RCBTB2: variants seen among roughly 807,000 people sequenced by gnomAD.
The protein encoded by RCBTB2 is RCC1 and BTB domain containing protein 2.
In RCBTB2, 55 loss-of-function variants were observed where a neutral mutation model predicts 65.4. The observed-to-expected ratio is 0.84, with a 90% CI of 0.68 to 1.05. The LOEUF (loss-of-function observed/expected upper bound fraction) is 1.05, where lower values mean the gene tolerates loss of function less well. RCBTB2 is among the 50% of genes least tolerant of loss of function. The pLI is 0.00. For synonymous variants in RCBTB2, 220 were observed against 255.2 expected, an observed-to-expected ratio of 0.86 and a Z score of 1.31; for missense variants, 599 against 680.1, an observed-to-expected ratio of 0.88 and a Z score of 1.33.
At position 48,505,185 on chromosome 13, in the gene RCBTB2, T is replaced by C. The variant is rs769205026; in HGVS notation, c.927-2271A>G. ...GAATGTCACTTAGCACCTAGGAGCC[T>C]TGGTTTCATCACATTGCAAGGGTGG... On this transcript the variant is annotated intron_variant, in intron 10 of 14. Transcript: ENST00000344532. Among the ~76,000 whole-genome samples the C allele has an allele frequency of 6.7e-4, 102 of 152,176 alleles. 2 individuals carry two copies. Among genetic ancestry groups the C allele is most frequent in the Non-Finnish European group, 1.3e-3 (87 of 68,012 alleles).
intron 1 of RCBTB2, among the ~76,000 whole-genome samples, chr13:48,530,726 T>C (rs1036785107): frequency 1.3e-5 from 2 of 152,256 alleles, no homozygotes; most frequent in Admixed American, 6.5e-5. Flanking sequence ...TTTACATAGA[T>C]GTCTGGCTAG....
In RCBTB2 at chr13:48,524,649, A is replaced by G. The variant is rs1450963524; in HGVS notation, c.-120+10T>C. Reference sequence around the variant, plus strand: ...CTGGCTGGGAGCATTCCCTCCAAAAACTTTTGTACCTGATTGTTTTAAATT... The same window carrying G: ...CTGGCTGGGAGCATTCCCTCCAAAAGCTTTTGTACCTGATTGTTTTAAATT... On this transcript the variant is annotated intron_variant, in intron 2 of 14. Coordinates refer to ENST00000344532, the MANE Select transcript of RCBTB2 (RefSeq NM_001268.4). 1 of 152,128 alleles carries G rather than the reference A, an allele frequency of 6.6e-6. No homozygotes were observed. The highest frequency in any genetic ancestry group is 1.9e-4 in the East Asian group (1 of 5,198). The allele number at this position is 152,128 out of a possible 1,614,324, so 9.4% of individuals were successfully genotyped here.
At chr13:48,513,979 A>C (rs1950946302) in intron 6 of RCBTB2, among the ~76,000 whole-genome samples, 1 of 152,248 alleles carries the variant, frequency 6.6e-6, no homozygotes, top group Admixed American at 6.5e-5. Context: ...GAGATTAACA[A>C]CAATAACTAA....
Position 48,515,244 on chromosome 13 carries a change from T to C in RCBTB2, c.310A>G (p.Ser104Gly), listed in dbSNP as rs1453821646. Residue 104 changes from serine to glycine, a missense_variant, in exon 6 of 15, where the codon AGC becomes GGC. Coordinates refer to ENST00000344532, the MANE Select transcript of RCBTB2 (RefSeq NM_001268.4). ...ACAATATGTGGACCACTCCCATAGC[T>C]GAGGCAGGCTATTTTTTTGCCATTT... ...SLNGKKIACL[S>G]YGSGPHIVLA... 1 of 1,614,166 alleles carries C rather than the reference T, an allele frequency of 6.2e-7. No homozygotes were observed. The highest frequency in any genetic ancestry group is 1.7e-5 in the Admixed American group (1 of 60,020).
chr13:48,493,329 T>TCCACACACACACACACACACACACACA (rs1566254927), intron 14 of RCBTB2, among the ~76,000 whole-genome samples: 1 of 137,620 alleles, frequency 7.3e-6, no homozygotes, highest in Admixed American at 7.1e-5. Flanking sequence ...TCTCTCTCTC[T>TCCACACACACACACACACACACACACA]CTCTCTCTCT....
At chr13:48,504,935 T>C (rs1350566430) in intron 10 of RCBTB2, among the ~76,000 whole-genome samples, 1 of 152,106 alleles carries the variant, frequency 6.6e-6, no homozygotes, top group East Asian at 1.9e-4. Flanking sequence ...ATTATGAGGA[T>C]CGTTCTTAGC....
At chr13:48,534,469 A>G (rs1477893028), upstream of RCBTB2, among the ~76,000 whole-genome samples, 1 of 152,350 alleles carries the variant, frequency 6.6e-6, no homozygotes, top group East Asian at 1.9e-4. Flanking sequence ...ATCAGCAACC[A>G]TGGCAAGATC....
chr13:48,518,472 A>AAAAAAAATATATAT (rs1491137365), intron 4 of RCBTB2, among the ~76,000 whole-genome samples: 11 of 116,582 alleles, frequency 9.4e-5, no homozygotes, highest in African/African-American at 4.1e-4. Context: ...AAAAAAAAAA[A>AAAAAAAATATATAT]ATATATATAT....
chr13:48,522,790 T>C (rs1010039832), intron 2 of RCBTB2, among the ~76,000 whole-genome samples: 30 of 152,228 alleles, frequency 2.0e-4, no homozygotes, highest in African/African-American at 7.2e-4. Context: ...CAATCTATTA[T>C]TTCAGGTACT....
intron 9 of RCBTB2, among the ~76,000 whole-genome samples, chr13:48,511,258 T>C (rs1950778527): frequency 6.6e-6 from 1 of 152,212 alleles, no homozygotes; most frequent in Non-Finnish European, 1.5e-5. Context: ...CATTTTACCA[T>C]TACACATAGC....
At chr13:48,527,949 G>C (rs552470971) in intron 1 of RCBTB2, among the ~76,000 whole-genome samples, 1 of 152,290 alleles carries the variant, frequency 6.6e-6, no homozygotes, top group South Asian at 2.1e-4. Flanking sequence ...CATATTATTT[G>C]TGGCAAAGTA....
At chr13:48,503,421 T>A (rs1381999883) in intron 10 of RCBTB2, among the ~76,000 whole-genome samples, 1 of 152,204 alleles carries the variant, frequency 6.6e-6, no homozygotes, top group African/African-American at 2.4e-5. Context: ...CAGAGTAAAT[T>A]CAGTAGTTCT....
At chr13:48,506,222 A>G (rs9332026) in intron 10 of RCBTB2, among the ~76,000 whole-genome samples, 13 of 152,372 alleles carry the variant, frequency 8.5e-5, no homozygotes, top group Admixed American at 5.2e-4. Flanking sequence ...AAGACCTGAC[A>G]GGGACGGAGG....
chr13:48,513,924 G>A (rs1182378583), intron 6 of RCBTB2, among the ~76,000 whole-genome samples: 2 of 152,020 alleles, frequency 1.3e-5, no homozygotes, highest in Non-Finnish European at 2.9e-5. Flanking sequence ...TTCCCTATAC[G>A]TATATACTTA....
intron 13 of RCBTB2, among the ~76,000 whole-genome samples, chr13:48,498,568 T>C (rs907766650): frequency 6.6e-6 from 1 of 152,086 alleles, no homozygotes; most frequent in Admixed American, 6.6e-5. Context: ...TCGTTTCTAC[T>C]AAAAATACAA....
intron 9 of RCBTB2, 26 bp downstream of exon 9, chr13:48,511,744 C>T (rs749754946): frequency 3.6e-5 from 57 of 1,573,084 alleles, no homozygotes; most frequent in Middle Eastern, 1.7e-4. Flanking sequence ...TAAAAATACA[C>T]GCACACAAAC....
At chr13:48,492,618 G>A (rs1949744244) in intron 14 of RCBTB2, 2 of 152,372 alleles carry the variant, frequency 1.3e-5, no homozygotes, top group African/African-American at 2.4e-5. Flanking sequence ...CCACTCGTCA[G>A]TTCTCAGTCC....
In RCBTB2 at chr13:48,490,072, G is replaced by C; in HGVS notation, c.*39C>G. 1.2e-6 allele frequency: 2 copies of C among 1,610,548 alleles called. No individual in the cohort carries two copies. Among genetic ancestry groups the C allele is most frequent in the Non-Finnish European group, 1.7e-6 (2 of 1,177,260 alleles). On this transcript the variant is annotated 3_prime_UTR_variant, in exon 15 of 15. Coordinates refer to ENST00000344532, the MANE Select transcript of RCBTB2 (RefSeq NM_001268.4). ...AGTGATTCATCTCTGGCTTTTGCAG[G>C]GGAAATGGAAAGGCTCAAAAACTTT...
chr13:48,532,111 T>C (rs981789945), intron 1 of RCBTB2: 2 of 152,266 alleles, frequency 1.3e-5, no homozygotes, highest in Non-Finnish European at 2.9e-5. Flanking sequence ...AGTCCTGGTC[T>C]CGAACTGTTG....
Sources: gnomAD v4.1 joint callset for allele counts (sites outside exome capture counted in the v4.1 genomes callset) on GRCh38, gnomAD v4.1.1 for gene constraint, MANE v1.5 for transcripts, NCBI Gene and HGNC (gene_info 2026-07-23, HGNC 2026-07-21) for gene names.